Variants in GPR26 observed in about 807,000 individuals in gnomAD.
GPR26 encodes G protein-coupled receptor 26.
GPR26 carries 15 observed loss-of-function variants against 23.1 expected under a neutral mutation model. That is an observed-to-expected ratio of 0.65 (90% CI 0.43 to 1.00). The LOEUF (loss-of-function observed/expected upper bound fraction) is 1.00, where lower values mean the gene tolerates loss of function less well. Among genes scored for constraint, GPR26 ranks in the 50% least tolerant of loss-of-function variants. The pLI is 0.00. For synonymous variants in GPR26, 228 were observed against 222.1 expected (o/e 1.03, Z -0.24); for missense variants, 359 against 470.5 (o/e 0.76, Z 2.19).
At chr10:123,686,183 G>A (rs895532212) in intron 2 of GPR26, among the ~76,000 whole-genome samples, 1 of 152,220 alleles carries the variant, frequency 6.6e-6, no homozygotes, top group Non-Finnish European at 1.5e-5. Flanking sequence ...GAGCCAAAAT[G>A]CTAAGCCTGA....
At chr10:123,679,522 G>A (rs908471) in intron 2 of GPR26, among the ~76,000 whole-genome samples, 60,255 of 152,038 alleles carry the variant, frequency 0.4, 12,214 homozygotes, top group African/African-American at 0.45. Flanking sequence ...TGGCTTTAAG[G>A]CGCCTCAGAT....
In GPR26 at chr10:123,695,072, G is replaced by C. The variant is rs1845527665; in HGVS notation, c.*6912G>C. 6.6e-6 allele frequency among the ~76,000 whole-genome samples: 1 copy of C among 152,156 alleles called. No homozygotes were observed. The highest frequency in any genetic ancestry group is 1.5e-5 in the Non-Finnish European group (1 of 68,034). ...GCAAAAGCTGTCCTCATGCTACTTG[G>C]CAATTCAATCACCCTCCCTTCACTC... On this transcript the variant is annotated 3_prime_UTR_variant, in exon 3 of 3. Transcript: ENST00000284674.
chr10:123,666,990 G>A lies in GPR26; in HGVS notation c.583G>A (p.Val195Met). ...FVVLCCTYLK[V>M]LKVARFHCKR... ...CGTGCTCTGCTGCACGTACCTCAAG[G>A]TGCTCAAGGTGGCCCGCTTCCATTG... Residue 195 changes from valine to methionine, a missense_variant, in exon 1 of 3, where the codon GTG becomes ATG. Val to Met is a conservative substitution (Grantham distance 21). Transcript: ENST00000284674. 1 of 1,613,314 alleles carries A rather than the reference G, an allele frequency of 6.2e-7. No individual in the cohort carries two copies. The highest frequency in any genetic ancestry group is 8.5e-7 in the Non-Finnish European group (1 of 1,179,742).
Position 123,686,712 on chromosome 10 carries a change from G to A in GPR26, c.783-1217G>A, listed in dbSNP as rs1022775748. On this transcript the variant is annotated intron_variant, in intron 2 of 2. Coordinates refer to ENST00000284674, the MANE Select transcript of GPR26 (RefSeq NM_153442.4). Reference sequence around the variant, plus strand: ...CCTCACCTGGCCAGATCCCCAAGCTGAGAGCCACCACCGCCTTCTATCTGC... The same window carrying A: ...CCTCACCTGGCCAGATCCCCAAGCTAAGAGCCACCACCGCCTTCTATCTGC... 5.3e-5 allele frequency among the ~76,000 whole-genome samples: 8 copies of A among 152,302 alleles called. No homozygotes were observed. The East Asian group carries it at 1.5e-3, about 29-fold the overall frequency.
chr10:123,667,316 CACAG>C (rs1423250101), intron 1 of GPR26, among the ~76,000 whole-genome samples: 1 of 152,190 alleles, frequency 6.6e-6, no homozygotes, highest in Non-Finnish European at 1.5e-5. Flanking sequence ...GGGTAGAAAT[CACAG>C]ACAGTCAGAA....
intron 2 of GPR26, among the ~76,000 whole-genome samples, chr10:123,677,072 G>C: frequency 6.6e-6 from 1 of 152,326 alleles, no homozygotes; most frequent in Non-Finnish European, 1.5e-5. Context: ...CCGGACAGCC[G>C]TGGGCTAATG....
At chr10:123,682,267 G>A (rs1475217030) in intron 2 of GPR26, among the ~76,000 whole-genome samples, 1 of 152,106 alleles carries the variant, frequency 6.6e-6, no homozygotes, top group African/African-American at 2.4e-5. Context: ...TTATGTAGCT[G>A]GAGTTCCCAA....
At chr10:123,678,779 C>G (rs929398667) in intron 2 of GPR26, among the ~76,000 whole-genome samples, 1 of 152,214 alleles carries the variant, frequency 6.6e-6, no homozygotes, top group East Asian at 1.9e-4. Context: ...CGGCCAGGAC[C>G]CCATCAGAGT....
At chr10:123,671,910 G>T (rs1845254004) in intron 1 of GPR26, among the ~76,000 whole-genome samples, 1 of 152,230 alleles carries the variant, frequency 6.6e-6, no homozygotes, top group Admixed American at 6.5e-5. Context: ...CAAAGCTATG[G>T]AGGGGGACAA....
At chr10:123,678,398 C>G (rs1299953631) in intron 2 of GPR26, among the ~76,000 whole-genome samples, 2 of 152,140 alleles carry the variant, frequency 1.3e-5, no homozygotes, top group Non-Finnish European at 2.9e-5. Flanking sequence ...CCTCCTCCAC[C>G]TTTCTCTCCC....
intron 1 of GPR26, among the ~76,000 whole-genome samples, chr10:123,670,956 C>T (rs1845243076): frequency 6.6e-6 from 1 of 152,148 alleles, no homozygotes; most frequent in Non-Finnish European, 1.5e-5. Context: ...ATGAGGGACT[C>T]TTAATGTGCA....
Position 123,696,230 on chromosome 10 carries a change from G to T in GPR26, c.*8070G>T, listed in dbSNP as rs781505666. Among the ~76,000 whole-genome samples, 4 of 152,120 alleles carry T rather than the reference G, an allele frequency of 2.6e-5. No individual in the cohort carries two copies. Among genetic ancestry groups the T allele is most frequent in the Non-Finnish European group, 4.4e-5 (3 of 68,028 alleles). ...CTTCTTCATGGAACACACTCATTTCGCCACACGGAGGCTTTACTCTGCCCA... is the reference window on the plus strand; with the variant it reads ...CTTCTTCATGGAACACACTCATTTCTCCACACGGAGGCTTTACTCTGCCCA... On this transcript the variant is annotated 3_prime_UTR_variant, in exon 3 of 3. Coordinates refer to ENST00000284674, the MANE Select transcript of GPR26 (RefSeq NM_153442.4).
intron 2 of GPR26, among the ~76,000 whole-genome samples, chr10:123,682,642 C>T (rs1159751968): frequency 1.3e-5 from 2 of 152,064 alleles, no homozygotes; most frequent in East Asian, 1.9e-4. Flanking sequence ...CTCTCCACAG[C>T]GATCTACGCT....
At chr10:123,667,662 G>A (rs1845203914) in intron 1 of GPR26, among the ~76,000 whole-genome samples, 2 of 151,600 alleles carry the variant, frequency 1.3e-5, no homozygotes, top group Non-Finnish European at 1.5e-5. Context: ...TGGGGTGGGG[G>A]GCTCTTCCTG....
In GPR26 at chr10:123,695,761, T is replaced by C. The variant is rs17608508; in HGVS notation, c.*7601T>C. Among the ~76,000 whole-genome samples the C allele has an allele frequency of 9.5e-3, 1,450 of 152,270 alleles. 12 individuals are homozygous for C. Among genetic ancestry groups the C allele is most frequent in the East Asian group, 0.028 (143 of 5,176 alleles). On this transcript the variant is annotated 3_prime_UTR_variant, in exon 3 of 3. Coordinates refer to ENST00000284674, the MANE Select transcript of GPR26 (RefSeq NM_153442.4). ...CTTGAATTATTAATAGTAACCAAAC[T>C]CTCTGCTCTAACAACCTTCGAATGT...
rs1431451163 is a variant in GPR26 at position 123,674,959 on chromosome 10, G to A, written c.782+28G>A. ...GAGCCTGATTGGCAGGTGTGTCTTG[G>A]GACTTTGAAGAGTAAGGCAGGGCCC... is the stretch of plus-strand genomic sequence containing the variant. On this transcript the variant is annotated intron_variant, in intron 2 of 2. Coordinates refer to ENST00000284674, the MANE Select transcript of GPR26 (RefSeq NM_153442.4). This position sits in a 1 kb window ranked among gnomAD's most constrained non-coding sequence, Gnocchi z 4.1. 1.4e-6 allele frequency: 2 copies of A among 1,411,540 alleles called. No individual in the cohort carries two copies. The highest frequency in any genetic ancestry group is 2.3e-5 in the South Asian group (2 of 85,400). The allele number at this position is 1,411,540 out of a possible 1,614,324, so 87.4% of individuals were successfully genotyped here. A position where few individuals can be genotyped will look rare whatever the true frequency, so the allele number is the denominator to read the frequency against.
Position 123,666,564 on chromosome 10 carries a change from C to T in GPR26, c.157C>T (p.Leu53=). 1 of 1,597,976 alleles carries T rather than the reference C, an allele frequency of 6.3e-7. No homozygotes were observed. Among genetic ancestry groups the T allele is most frequent in the Non-Finnish European group, 8.5e-7 (1 of 1,174,606 alleles). Residue 53 remains leucine (L), a synonymous_variant, in exon 1 of 3, where the codon CTG becomes TTG. Coordinates refer to ENST00000284674, the MANE Select transcript of GPR26 (RefSeq NM_153442.4). ...LFTLNLTCGN[L]LCTVVNMPLT... ...CACCCTGAACCTCACGTGCGGGAAC[C>T]TGCTGTGCACCGTGGTCAACATGCC... is the stretch of plus-strand genomic sequence containing the variant.
At chr10:123,669,194 A>G (rs921775233) in intron 1 of GPR26, among the ~76,000 whole-genome samples, 6 of 152,208 alleles carry the variant, frequency 3.9e-5, no homozygotes, top group Admixed American at 3.3e-4. Flanking sequence ...GCCAGTGCCA[A>G]CAGGCTCCCT....
chr10:123,692,472 T>A lies in GPR26; in HGVS notation c.*4312T>A, dbSNP rs1422087639. On this transcript the variant is annotated 3_prime_UTR_variant, in exon 3 of 3. Coordinates refer to ENST00000284674, the MANE Select transcript of GPR26 (RefSeq NM_153442.4). ...CAGCTCATCCCGTGTGGCTGACCCT[T>A]CCAGGTCACTTGGAGCAGCCAGTAA... 6.6e-6 allele frequency: 1 copy of A among 152,334 alleles called. No homozygotes were observed. The highest frequency in any genetic ancestry group is 1.5e-5 in the Non-Finnish European group (1 of 68,132). The allele number at this position is 152,334 out of a possible 1,614,324, so 9.4% of individuals were successfully genotyped here.
Sources: allele counts gnomAD v4.1 joint callset (sites outside exome capture counted in the v4.1 genomes callset), GRCh38; gene constraint gnomAD v4.1.1; non-coding constraint Gnocchi (gnomAD v3.1); transcripts MANE v1.5; gene names NCBI Gene and HGNC (gene_info 2026-07-23, HGNC 2026-07-21).